The following DENND3 variants were observed in gnomAD, a reference collection of about 807,000 sequenced individuals.
DENND3 encodes the protein DENN domain containing 3, also known as DENN domain-containing protein 3.
DENND3 carries 88 observed loss-of-function variants against 135.1 expected under a neutral mutation model. That is an observed-to-expected ratio of 0.65 (90% confidence interval 0.55 to 0.78). The LOEUF (loss-of-function observed/expected upper bound fraction) is 0.78, where lower values mean the gene tolerates loss of function less well. Among genes scored for constraint, DENND3 ranks in the 30% least tolerant of loss-of-function variants. The pLI, the probability that DENND3 is intolerant of heterozygous loss-of-function variation, is 0.00. For synonymous variants in DENND3, 693 were observed against 712.3 expected (o/e 0.97, Z 0.43); for missense variants, 1,392 against 1,688.4 (o/e 0.82, Z 3.08).
intron 22 of DENND3, chr8:141,193,006 C>T: frequency 2.4e-6 from 2 of 848,478 alleles, no homozygotes; most frequent in East Asian, 5.6e-5. Context: ...GCGTGCACTC[C>T]AGGCCCTTCT....
In DENND3 at chr8:141,168,071, C is replaced by T; in HGVS notation, c.1821C>T (p.Ser607=). The part of the protein sequence containing the change: ...KIPEIHFPLE[S]KCVQAYHAHF... ...CCGAAATCCACTTTCCGCTGGAGAG[C>T]AAGTGCGTGCAGGCATACCATGCCC... Residue 607 remains serine, a synonymous_variant, in exon 13 of 23, where the codon AGC becomes AGT. Coordinates refer to ENST00000519811, the MANE Select transcript of DENND3 (RefSeq NM_001352890.3). The surrounding 1 kb of genome is among the most constrained non-coding windows in gnomAD (Gnocchi z 6.2). 6.2e-7 allele frequency: 1 copy of T among 1,614,148 alleles called. No individual in the cohort carries two copies.
intron 1 of DENND3, among the ~76,000 whole-genome samples, chr8:141,135,609 C>T (rs530504652): frequency 7.4e-4 from 112 of 152,312 alleles, no homozygotes; most frequent in African/African-American, 2.5e-3. Context: ...TCGCAGACTG[C>T]AGGGTGTCCA....
At position 141,194,111 on chromosome 8, in the gene DENND3, G is replaced by A. The variant is rs778413462; in HGVS notation, c.3715G>A (p.Val1239Met). ...CGTGATTGACGCCGAGAGGAAGACC[G>A]TGGAGAAGGAGCTGGTGGCGCACAT... ...IYVIDAERKT[V>M]EKELVAHMDT... The change falls in exon 23 of 23, where the codon GTG becomes ATG. Residue 1239 changes from valine to methionine, a missense_variant. Physicochemically the swap from Val to Met is conservative, Grantham distance 21. Transcript: ENST00000519811. 21 of 1,613,854 alleles carry A rather than the reference G, an allele frequency of 1.3e-5. No homozygotes were observed. Among genetic ancestry groups the A allele is most frequent in the Middle Eastern group, 1.6e-4 (1 of 6,084 alleles).
intron 8 of DENND3, among the ~76,000 whole-genome samples, chr8:141,156,916 C>T (rs577346859): frequency 1.3e-5 from 2 of 151,640 alleles, no homozygotes; most frequent in East Asian, 3.9e-4. Context: ...CTCAGCCTCC[C>T]GAGTAGCTGG....
chr8:141,133,353 G>A (rs1816378799), intron 1 of DENND3, among the ~76,000 whole-genome samples: 1 of 152,196 alleles, frequency 6.6e-6, no homozygotes, highest in Non-Finnish European at 1.5e-5. Flanking sequence ...GGAAGATACA[G>A]TATCATGATG....
chr8:141,192,408 G>A lies in DENND3; in HGVS notation c.3457G>A (p.Asp1153Asn), dbSNP rs1374514837. Residue 1153 changes from aspartate (D) to asparagine (N), a missense_variant, in exon 21 of 23, where the codon GAC (aspartate) becomes AAC (asparagine). Physicochemically the swap from Asp to Asn is conservative, Grantham distance 23 (BLOSUM62 1). Coordinates refer to ENST00000519811, the MANE Select transcript of DENND3 (RefSeq NM_001352890.3). ...ATTGAAGATTGAGGAGAACTTCAAAGACACCAGTACCTCCTTCCTGGCCTT... is the reference window on the plus strand; with the variant it reads ...ATTGAAGATTGAGGAGAACTTCAAAAACACCAGTACCTCCTTCCTGGCCTT... The part of the protein sequence containing the change: ...QELKIEENFK[D>N]TSTSFLAFQL... 4.3e-6 allele frequency: 7 copies of A among 1,614,122 alleles called. No homozygotes were observed. The highest frequency in any genetic ancestry group is 5.9e-6 in the Non-Finnish European group (7 of 1,180,048).
rs956382564 is a variant in DENND3, at chr8:141,154,785, A to C, written c.1075-1064A>C. 1.3e-5 allele frequency among the ~76,000 whole-genome samples: 2 copies of C among 151,674 alleles called. No homozygotes were observed. Among genetic ancestry groups the C allele is most frequent in the Non-Finnish European group, 2.9e-5 (2 of 67,922 alleles). ...ACCATGTTGGCCAGGCTGGTCTCAA[A>C]CTCCTGATCTCAGGTGATCCACCCA... On this transcript the variant is annotated intron_variant, in intron 7 of 22. Coordinates refer to ENST00000519811, the MANE Select transcript of DENND3 (RefSeq NM_001352890.3). This position sits in a 1 kb window ranked among gnomAD's most constrained non-coding sequence, Gnocchi z 4.4.
rs754518362 is a variant in DENND3, at chr8:141,175,593, G to C, written c.2535+134G>C. The C allele has an allele frequency of 3.6e-6, 5 of 1,380,122 alleles. No individual in the cohort carries two copies. In the Admixed American group the frequency reaches 9.3e-5, roughly 26 times the overall value. 85.5% of individuals were successfully genotyped at this position (1,380,122 alleles called of 1,614,324 possible). On this transcript the variant is annotated intron_variant, in intron 14 of 22. Coordinates refer to ENST00000519811, the MANE Select transcript of DENND3 (RefSeq NM_001352890.3). The surrounding 1 kb of genome is among the most constrained non-coding windows in gnomAD (Gnocchi z 5.4). ...CCTTCTGCAGACCGAATGCCTTCCT[G>C]TCCCTCAGTTTGCTCATCTGTAAAG...
intron 8 of DENND3, among the ~76,000 whole-genome samples, chr8:141,160,003 C>T (rs1819927557): frequency 6.6e-6 from 1 of 152,134 alleles, no homozygotes; most frequent in Admixed American, 6.5e-5. Flanking sequence ...ATGAGTGACC[C>T]GTCAAGAGGC....
At chr8:141,193,055 C>A (rs1415644065) in intron 22 of DENND3, 3 of 444,130 alleles carry the variant, frequency 6.8e-6, no homozygotes, top group Non-Finnish European at 1.1e-5. Flanking sequence ...CCTTGGCGTG[C>A]CCTGGCTGTG....
Position 141,128,712 on chromosome 8 carries a change from C to G in DENND3, c.5C>G (p.Ala2Gly). 1 of 1,408,944 alleles carries G rather than the reference C, an allele frequency of 7.1e-7. No individual in the cohort carries two copies. The highest frequency in any genetic ancestry group is 9.2e-7 in the Non-Finnish European group (1 of 1,082,756). 87.3% of individuals were successfully genotyped at this position (1,408,944 alleles called of 1,614,324 possible). A position where few individuals can be genotyped will look rare whatever the true frequency, so the allele number is the denominator to read the frequency against. Residue 2 changes from alanine (A) to glycine (G), a missense_variant, in exon 1 of 23, where the codon GCG becomes GGG. Coordinates refer to ENST00000519811, the MANE Select transcript of DENND3 (RefSeq NM_001352890.3). The surrounding 1 kb of genome is among the most constrained non-coding windows in gnomAD (Gnocchi z 4.5). ...GGCGGCGGGCGGCGGGCAGCCATGGCGGAGGCCGCGTCGCCGCACTTGTCG... is the reference window on the plus strand; with the variant it reads ...GGCGGCGGGCGGCGGGCAGCCATGGGGGAGGCCGCGTCGCCGCACTTGTCG... The part of the protein sequence containing the change: M[A>G]EAASPHLSLP...
In DENND3 at chr8:141,136,622, C is replaced by A; in HGVS notation, c.216C>A (p.Asn72Lys). The change falls in exon 2 of 23, where the codon AAC becomes AAA. Residue 72 changes from asparagine to lysine, a missense_variant. By Grantham distance (94) the Asn-to-Lys change is moderately conservative (BLOSUM62 0). Transcript: ENST00000519811. Reference protein sequence around the residue: ...SKEDSQMAGANCGTLGKTRMR... With the variant: ...SKEDSQMAGAKCGTLGKTRMR... ...AGGACAGTCAAATGGCCGGTGCCAA[C>A]TGCGGCACTCTCGGTAAAACCCGGA... 5 of 1,608,226 alleles carry A rather than the reference C, an allele frequency of 3.1e-6. No homozygotes were observed. Among genetic ancestry groups the A allele is most frequent in the Non-Finnish European group, 4.2e-6 (5 of 1,177,646 alleles).
chr8:141,192,724 T>A (rs1824929637), intron 22 of DENND3, 61 bp downstream of exon 22: 5 of 1,608,720 alleles, frequency 3.1e-6, no homozygotes, highest in South Asian at 2.2e-5. Flanking sequence ...CCTGGCCGCA[T>A]CCCCATGCTC....
At chr8:141,157,576 T>TTTCAGTCAGCCATCACCTTTC in intron 8 of DENND3, 1 of 985,876 alleles carries the variant, frequency 1.0e-6, no homozygotes, top group Non-Finnish European at 1.2e-6. Flanking sequence ...GCAGTCTGGA[T>TTTCAGTCAGCCATCACCTTTC]TTCAGTCAGC....
At chr8:141,188,015 T>G (rs1467313894) in intron 18 of DENND3, among the ~76,000 whole-genome samples, 1 of 126,068 alleles carries the variant, frequency 7.9e-6, no homozygotes, top group African/African-American at 3.0e-5. Context: ...GGGGAAACCC[T>G]ATCTCTACTA....
chr8:141,187,472 G>A (rs985313829), intron 18 of DENND3, among the ~76,000 whole-genome samples: 3 of 152,198 alleles, frequency 2.0e-5, no homozygotes, highest in East Asian at 3.9e-4. Context: ...CAGTCCTCCC[G>A]CCTCGGCCCC....
At chr8:141,155,400 T>TTTA (rs957771149) in intron 7 of DENND3, among the ~76,000 whole-genome samples, 4 of 152,014 alleles carry the variant, frequency 2.6e-5, no homozygotes, top group Non-Finnish European at 4.4e-5. Flanking sequence ...TTTATTTTAT[T>TTTA]TTATTATTAT....
chr8:141,160,899 G>A, intron 9 of DENND3, 112 bp downstream of exon 9: 1 of 1,358,552 alleles, frequency 7.4e-7, no homozygotes. Context: ...CATTTGCCTG[G>A]CAAACATGAG....
chr8:141,168,599 GTGGAC>G lies in DENND3; in HGVS notation c.2275+78_2275+82del. 1.3e-6 allele frequency: 2 copies of G among 1,505,972 alleles called. No homozygotes were observed. The highest frequency in any genetic ancestry group is 3.8e-4 in the Middle Eastern group (2 of 5,232). 93.3% of individuals were successfully genotyped at this position (1,505,972 alleles called of 1,614,324 possible). A position where few individuals can be genotyped will look rare whatever the true frequency, so the allele number is the denominator to read the frequency against. On this transcript the variant is annotated intron_variant, in intron 13 of 22. Transcript: ENST00000519811. This position sits in a 1 kb window ranked among gnomAD's most constrained non-coding sequence, Gnocchi z 6.2. The stretch of plus-strand genomic sequence containing the variant: ...GTCTGGCTCTGTCGCCCAGGCTGGA[GTGGAC>G]TGGCAATCACAGCTCACTGCAACCT...
Sources: allele counts gnomAD v4.1 joint callset (sites outside exome capture counted in the v4.1 genomes callset), GRCh38; gene constraint gnomAD v4.1.1; non-coding constraint Gnocchi (gnomAD v3.1); transcripts MANE v1.5; gene names NCBI Gene and HGNC (gene_info 2026-07-23, HGNC 2026-07-21).